The following TULP4 variants were observed in gnomAD, a reference collection of about 807,000 sequenced individuals.
TULP4 encodes the protein TUB like protein 4.
In TULP4, 16 loss-of-function variants were observed where a neutral mutation model predicts 129.0. That is an observed-to-expected ratio of 0.12 (90% CI 0.08 to 0.19). The LOEUF is 0.19. Among genes scored for constraint, TULP4 ranks in the 10% least tolerant of loss-of-function variants. The pLI, the probability that TULP4 is intolerant of heterozygous loss-of-function variation, is 1.00. For synonymous variants in TULP4, 998 were observed against 854.0 expected (o/e 1.17, Z -2.94); for missense variants, 1,842 against 2,059.1 (o/e 0.89, Z 2.04).
At chr6:158,342,580 A>C (rs1020976204) in intron 1 of TULP4, among the ~76,000 whole-genome samples, 1 of 152,202 alleles carries the variant, frequency 6.6e-6, no homozygotes, top group African/African-American at 2.4e-5. Context: ...ACTAATGTAC[A>C]ATATGTGTTT....
At chr6:158,367,842 T>C (rs1776960239) in intron 1 of TULP4, among the ~76,000 whole-genome samples, 1 of 150,022 alleles carries the variant, frequency 6.7e-6, no homozygotes, top group African/African-American at 2.5e-5. Context: ...GGGTTTTCCA[T>C]CCAAATATCC....
At chr6:158,379,819 G>T (rs975504818) in intron 1 of TULP4, among the ~76,000 whole-genome samples, 1 of 152,182 alleles carries the variant, frequency 6.6e-6, no homozygotes, top group Non-Finnish European at 1.5e-5. Flanking sequence ...TGTGAAGTTT[G>T]AGATCCCTGT....
intron 3 of TULP4, among the ~76,000 whole-genome samples, chr6:158,430,908 G>A (rs571928269): frequency 6.6e-6 from 1 of 152,090 alleles, no homozygotes; most frequent in South Asian, 2.1e-4. Context: ...ATATGGAACC[G>A]TAACTTTCAT....
chr6:158,248,655 C>A (rs997768695), intron 1 of TULP4, among the ~76,000 whole-genome samples: 1 of 152,000 alleles, frequency 6.6e-6, no homozygotes, highest in Middle Eastern at 3.2e-3. Context: ...GTGGGATGAT[C>A]GCTTGAGCCT....
At position 158,271,261 on chromosome 6, in the gene TULP4, T is replaced by C. The variant is rs187124623; in HGVS notation, n.68+38958T>C. Among the ~76,000 whole-genome samples, 50 of 151,938 alleles carry C rather than the reference T, an allele frequency of 3.3e-4. 1 individual carries two copies. Among genetic ancestry groups the C allele is most frequent in the Admixed American group, 2.1e-3 (32 of 15,272 alleles). ...TCATTTTCAATTGTTGCTTCTCATG[T>C]GGTAATGAAGAAAGCATTTAAAGGC... On this transcript the variant is annotated intron_variant and non_coding_transcript_variant, in intron 1 of 1. Transcript: ENST00000620026.
At chr6:158,232,607 G>C (rs574803435) in intron 1 of TULP4, among the ~76,000 whole-genome samples, 2 of 152,200 alleles carry the variant, frequency 1.3e-5, no homozygotes, top group South Asian at 4.1e-4. Context: ...GGGCGTGCGT[G>C]TGGGGTGGTG....
chr6:158,313,760 A>C lies in TULP4; in HGVS notation c.-257A>C. On this transcript the variant is annotated 5_prime_UTR_variant, in exon 1 of 14. It removes an upstream start codon present in the reference 5' UTR. Coordinates refer to ENST00000367097, the MANE Select transcript of TULP4 (RefSeq NM_020245.5). ...TTCCTCTGAGAACTTGAAAATACAA[A>C]TGGACCCCATGTTTTTTTAAGCATT... The C allele has an allele frequency of 1.9e-6, 1 of 519,958 alleles. No homozygotes were observed. The highest frequency in any genetic ancestry group is 3.4e-5 in the South Asian group (1 of 29,290). The allele number at this position is 519,958 out of a possible 1,614,324, so 32.2% of individuals were successfully genotyped here.
chr6:158,490,135 C>T (rs1252495281), intron 9 of TULP4, among the ~76,000 whole-genome samples: 1 of 152,198 alleles, frequency 6.6e-6, no homozygotes, highest in African/African-American at 2.4e-5. Flanking sequence ...CAGTGGCTCA[C>T]GCCTGTAATC....
chr6:158,452,332 G>C, intron 5 of TULP4, 64 bp downstream of exon 5: 1 of 1,586,042 alleles, frequency 6.3e-7, no homozygotes, highest in Non-Finnish European at 8.6e-7. Context: ...CCTCAAGGCC[G>C]GTCTTGTACA....
At position 158,467,098 on chromosome 6, in the gene TULP4, C is replaced by T. The variant is rs1449169190; in HGVS notation, c.1026+5369C>T. On this transcript the variant is annotated intron_variant, in intron 6 of 13. Coordinates refer to ENST00000367097, the MANE Select transcript of TULP4 (RefSeq NM_020245.5). ...CACCTCTTAAATAATGCTCCTCTTC[C>T]AGGTTGTGGTCCAGCTGCTCAAGCC... Among the ~76,000 whole-genome samples the T allele has an allele frequency of 3.9e-5, 6 of 152,266 alleles. No individual in the cohort carries two copies. The East Asian group carries it at 1.2e-3, about 29-fold the overall frequency.
At chr6:158,351,532 A>G (rs960902582) in intron 1 of TULP4, among the ~76,000 whole-genome samples, 5 of 152,132 alleles carry the variant, frequency 3.3e-5, no homozygotes, top group Non-Finnish European at 5.9e-5. Context: ...TAAGATATGA[A>G]AAAGCACTGG....
chr6:158,348,173 G>GGT (rs1780359767), intron 1 of TULP4, among the ~76,000 whole-genome samples: 1 of 112,170 alleles, frequency 8.9e-6, no homozygotes, highest in South Asian at 3.1e-4. Flanking sequence ...TTTTTTTAAG[G>GGT]TTTTTTTTTT....
At chr6:158,482,560 G>A (rs1779972019) in intron 8 of TULP4, among the ~76,000 whole-genome samples, 1 of 152,208 alleles carries the variant, frequency 6.6e-6, no homozygotes, top group African/African-American at 2.4e-5. Context: ...AGTGGGAAAA[G>A]CAGGAGAGAG....
At position 158,413,285 on chromosome 6, in the gene TULP4, G is replaced by A. The variant is rs940550817; in HGVS notation, c.381+92G>A. 3 of 1,392,856 alleles carry A rather than the reference G, an allele frequency of 2.2e-6. No individual in the cohort carries two copies. Among genetic ancestry groups the A allele is most frequent in the Non-Finnish European group, 2.9e-6 (3 of 1,044,944 alleles). 86.3% of individuals were successfully genotyped at this position (1,392,856 alleles called of 1,614,324 possible). The stretch of plus-strand genomic sequence containing the variant: ...GGAGCCAGTGCGTTAGCACCACACA[G>A]CGCCACGTGCTCCAGAGCTGGGGGA... On this transcript the variant is annotated intron_variant, in intron 2 of 13. Transcript: ENST00000367097. The surrounding 1 kb of genome is among the most constrained non-coding windows in gnomAD (Gnocchi z 4.9).
At chr6:158,265,074 A>C (rs1204736718) in intron 1 of TULP4, among the ~76,000 whole-genome samples, 1 of 152,176 alleles carries the variant, frequency 6.6e-6, no homozygotes, top group African/African-American at 2.4e-5. Flanking sequence ...TAACTTTTTC[A>C]GTGCTTCTTT....
chr6:158,238,249 C>T (rs939378571), intron 1 of TULP4: 29 of 1,116,130 alleles, frequency 2.6e-5, no homozygotes, highest in Non-Finnish European at 3.7e-5. Context: ...CTGAAAATTC[C>T]TGAAGCAGCT....
At chr6:158,383,465 G>T (rs191721296) in intron 1 of TULP4, among the ~76,000 whole-genome samples, 165 of 152,314 alleles carry the variant, frequency 1.1e-3, no homozygotes, top group African/African-American at 3.6e-3. Flanking sequence ...TACTATCAAG[G>T]TATGGATTTA....
At chr6:158,476,190 CTAAAT>C (rs199852544) in intron 6 of TULP4, among the ~76,000 whole-genome samples, 6,023 of 152,244 alleles carry the variant, frequency 0.04, 152 homozygotes, top group South Asian at 0.076. Flanking sequence ...GCTACACAAA[CTAAAT>C]TAAATTAAAT....
intron 1 of TULP4, among the ~76,000 whole-genome samples, chr6:158,363,858 A>G (rs1204191499): frequency 6.6e-6 from 1 of 152,204 alleles, no homozygotes; most frequent in African/African-American, 2.4e-5. Flanking sequence ...TCATAAATAC[A>G]TATTAAAATA....
Sources: gnomAD v4.1 joint callset for allele counts (sites outside exome capture counted in the v4.1 genomes callset) on GRCh38, gnomAD v4.1.1 for gene constraint, Gnocchi (gnomAD v3.1) non-coding constraint, MANE v1.5 for transcripts, NCBI Gene and HGNC (gene_info 2026-07-23, HGNC 2026-07-21) for gene names.